The following OTUD7A variants were observed in gnomAD, a reference collection of about 807,000 sequenced individuals.
OTUD7A encodes the protein OTU deubiquitinase 7A.
Under a neutral mutation model 65.7 loss-of-function variants are expected in OTUD7A, and 12 were observed. That is an observed-to-expected ratio of 0.18 (90% confidence interval 0.12 to 0.30). The LOEUF (loss-of-function observed/expected upper bound fraction) is 0.30. Ranked by LOEUF, OTUD7A falls within the 10% of genes least tolerant of loss-of-function variation. The pLI is 1.00. For missense variants in OTUD7A, 1,148 were observed against 1,304.8 expected, an observed-to-expected ratio of 0.88 and a Z score of 1.85; for synonymous variants, 641 against 586.3, an observed-to-expected ratio of 1.09 and a Z score of -1.35.
At chr15:31,766,579 T>C (rs868214222) in intron 1 of OTUD7A, 6 of 1,613,208 alleles carry the variant, frequency 3.7e-6, no homozygotes, top group Middle Eastern at 1.7e-4. Context: ...ACATTTGGTT[T>C]CATGGTAATT....
chr15:31,647,896 G>A (rs575878257), intron 3 of OTUD7A, among the ~76,000 whole-genome samples: 1 of 151,844 alleles, frequency 6.6e-6, no homozygotes, highest in East Asian at 2.0e-4. Flanking sequence ...GGGAGGAGCA[G>A]CAGGAGCAAT....
At chr15:31,754,204 T>C (rs1199024155) in intron 1 of OTUD7A, among the ~76,000 whole-genome samples, 2 of 152,178 alleles carry the variant, frequency 1.3e-5, no homozygotes, top group African/African-American at 2.4e-5. Flanking sequence ...GCCTACTTTT[T>C]AATGGGATTT....
At position 31,529,346 on chromosome 15, in the gene OTUD7A, G is replaced by A. The variant is rs376998956; in HGVS notation, c.652+1361C>T. 6.6e-5 allele frequency among the ~76,000 whole-genome samples: 10 copies of A among 152,204 alleles called. No homozygotes were observed. In the South Asian group the frequency reaches 1.0e-3, roughly 16 times the overall value. Reference sequence around the variant, plus strand: ...ATCATGTGTTTGAAGGATAACAGCAGGGAAAATTCTCAGATTGTAAGGGAA... The same window carrying A: ...ATCATGTGTTTGAAGGATAACAGCAAGGAAAATTCTCAGATTGTAAGGGAA... On this transcript the variant is annotated intron_variant, in intron 6 of 12. Coordinates refer to ENST00000307050, the MANE Select transcript of OTUD7A (RefSeq NM_001382637.1).
chr15:31,719,643 G>A (rs1893682076), intron 1 of OTUD7A, among the ~76,000 whole-genome samples: 4 of 151,988 alleles, frequency 2.6e-5, no homozygotes. Flanking sequence ...GCCCTGCCAC[G>A]CTGACTTCTG....
At chr15:31,773,725 C>A (rs1895298193) in intron 1 of OTUD7A, among the ~76,000 whole-genome samples, 1 of 152,184 alleles carries the variant, frequency 6.6e-6, no homozygotes, top group African/African-American at 2.4e-5. Context: ...GTGAGAACAG[C>A]AAACTGGATG....
At chr15:31,616,864 A>T (rs1252289210) in intron 3 of OTUD7A, among the ~76,000 whole-genome samples, 2 of 152,162 alleles carry the variant, frequency 1.3e-5, no homozygotes, top group East Asian at 3.9e-4. Context: ...TTTTAAGTTT[A>T]AAAGAAAGAA....
chr15:31,779,323 A>G (rs1033438605), intron 1 of OTUD7A, among the ~76,000 whole-genome samples: 1 of 152,222 alleles, frequency 6.6e-6, no homozygotes, highest in Non-Finnish European at 1.5e-5. Context: ...TGCAATCTGA[A>G]AAGTACGCTT....
intron 1 of OTUD7A, among the ~76,000 whole-genome samples, chr15:31,838,172 G>T (rs912966455): frequency 6.6e-6 from 1 of 152,172 alleles, no homozygotes; most frequent in Non-Finnish European, 1.5e-5. Flanking sequence ...AAGTTTAGAA[G>T]AAATTGTAGG....
intron 1 of OTUD7A, among the ~76,000 whole-genome samples, chr15:31,798,802 G>A (rs894738104): frequency 1.3e-5 from 2 of 152,228 alleles, no homozygotes; most frequent in Non-Finnish European, 2.9e-5. Flanking sequence ...GCCAGGGGGA[G>A]GCTCAGCTTG....
intron 5 of OTUD7A, among the ~76,000 whole-genome samples, chr15:31,550,578 C>T (rs1439715099): frequency 6.6e-6 from 1 of 152,114 alleles, no homozygotes; most frequent in Middle Eastern, 3.2e-3. Flanking sequence ...TATGGATCTG[C>T]CCCTAGATGA....
At chr15:31,647,853 G>C (rs1316489162) in intron 3 of OTUD7A, among the ~76,000 whole-genome samples, 1 of 151,896 alleles carries the variant, frequency 6.6e-6, no homozygotes. Context: ...TGGAGGGAGA[G>C]CTGAATTTCA....
chr15:31,569,474 G>A (rs1566924783), intron 4 of OTUD7A, among the ~76,000 whole-genome samples: 2 of 152,218 alleles, frequency 1.3e-5, no homozygotes, highest in Non-Finnish European at 2.9e-5. Flanking sequence ...ATAGCAAGAG[G>A]AGCAGGAGGA....
At chr15:31,659,815 T>C (rs928384249) in intron 1 of OTUD7A, among the ~76,000 whole-genome samples, 2 of 152,204 alleles carry the variant, frequency 1.3e-5, no homozygotes, top group African/African-American at 2.4e-5. Context: ...TGTTTGATGA[T>C]ACAGCACACT....
At chr15:31,563,381 G>C (rs1464253629) in intron 4 of OTUD7A, among the ~76,000 whole-genome samples, 1 of 152,194 alleles carries the variant, frequency 6.6e-6, no homozygotes, top group Non-Finnish European at 1.5e-5. Context: ...AGGTCTAATG[G>C]CAGAAATGAA....
At chr15:31,549,419 C>T (rs1313406755) in intron 5 of OTUD7A, among the ~76,000 whole-genome samples, 2 of 152,196 alleles carry the variant, frequency 1.3e-5, no homozygotes, top group South Asian at 4.1e-4. Context: ...ACTCCTGTGT[C>T]ATCCCTTTCC....
intron 3 of OTUD7A, among the ~76,000 whole-genome samples, chr15:31,574,523 A>G (rs922568539): frequency 4.6e-5 from 7 of 151,140 alleles, no homozygotes; most frequent in African/African-American, 1.7e-4. Context: ...GACAAAGACA[A>G]AACAACAGTA....
At chr15:31,778,051 C>G (rs1895434304) in intron 1 of OTUD7A, among the ~76,000 whole-genome samples, 1 of 152,196 alleles carries the variant, frequency 6.6e-6, no homozygotes, top group South Asian at 2.1e-4. Flanking sequence ...TATCATCAGT[C>G]TCCAGAAGAG....
chr15:31,704,442 C>T (rs2141331048), intron 1 of OTUD7A, among the ~76,000 whole-genome samples: 1 of 134,596 alleles, frequency 7.4e-6, no homozygotes, highest in South Asian at 2.7e-4. Flanking sequence ...CTTTATTGGG[C>T]TTTCACATCT....
At chr15:31,711,728 G>T (rs1166753695) in intron 1 of OTUD7A, among the ~76,000 whole-genome samples, 1 of 134,640 alleles carries the variant, frequency 7.4e-6, no homozygotes, top group East Asian at 2.1e-4. Context: ...AAGAACATAT[G>T]AAAAGAATGC....
Sources: gnomAD v4.1 joint callset for allele counts (sites outside exome capture counted in the v4.1 genomes callset) on GRCh38, gnomAD v4.1.1 for gene constraint, MANE v1.5 for transcripts, NCBI Gene and HGNC (gene_info 2026-07-23, HGNC 2026-07-21) for gene names.